PEAR1: variants seen among roughly 807,000 people sequenced by gnomAD.
PEAR1 encodes the protein multiple EGF-like domains protein 12.
PEAR1 carries 113 observed loss-of-function variants against 131.2 expected under a neutral mutation model. The ratio of observed to expected loss-of-function variants is 0.86; its 90% CI spans 0.74 to 1.01. The LOEUF is 1.01. Among genes scored for constraint, PEAR1 ranks in the 50% least tolerant of loss-of-function variants. The pLI is 0.00. For missense variants in PEAR1, 1,408 were observed against 1,391.1 expected, an observed-to-expected ratio of 1.01 and a Z score of -0.19; for synonymous variants, 565 against 523.3, an observed-to-expected ratio of 1.08 and a Z score of -1.09.
At position 156,903,960 on chromosome 1, in the gene PEAR1, G is replaced by T; in HGVS notation, c.34G>T (p.Ala12Ser). 6.2e-7 allele frequency: 1 copy of T among 1,614,054 alleles called. No individual in the cohort carries two copies. Among genetic ancestry groups the T allele is most frequent in the Non-Finnish European group, 8.5e-7 (1 of 1,180,004 alleles). The change falls in exon 2 of 23, where the codon GCT (alanine) becomes TCT (serine). Residue 12 changes from alanine (A) to serine (S), a missense_variant. Transcript: ENST00000292357. ...GCCTCTGTGTCCCCTCCTTCTCCTGGCTGTGGGCCTGCGGCTGGCTGGAAC... is the reference window on the plus strand; with the variant it reads ...GCCTCTGTGTCCCCTCCTTCTCCTGTCTGTGGGCCTGCGGCTGGCTGGAAC... ...SPPLCPLLLL[A>S]VGLRLAGTLN...
chr1:156,905,215 C>A, intron 3 of PEAR1, 109 bp from the exon 4 acceptor site: 1 of 1,225,368 alleles, frequency 8.2e-7, no homozygotes, highest in Non-Finnish European at 1.1e-6. Flanking sequence ...TTCTATGCGC[C>A]CTCAGCCCAG....
intron 1 of PEAR1, among the ~76,000 whole-genome samples, chr1:156,898,198 G>A (rs2182760): frequency 0.14 from 21,209 of 152,126 alleles, 2,075 homozygotes; most frequent in East Asian, 0.46. Context: ...GTGGCGGCGA[G>A]GGTTGGGACT....
chr1:156,912,404 C>T (rs768270901), intron 16 of PEAR1, 29 bp downstream of exon 16: 1 of 1,606,958 alleles, frequency 6.2e-7, no homozygotes, highest in East Asian at 2.2e-5. Flanking sequence ...CTCCAGGCCC[C>T]TGCCTCCAAC....
Position 156,913,230 on chromosome 1 carries a change from C to T in PEAR1, c.2459C>T (p.Pro820Leu), listed in dbSNP as rs1243544066. Residue 820 changes from proline (P) to leucine (L), a missense_variant, in exon 19 of 23, where the codon CCC becomes CTC. By Grantham distance (98) the Pro-to-Leu change is moderately conservative. Coordinates refer to ENST00000292357, the MANE Select transcript of PEAR1 (RefSeq NM_001080471.3). ...AGCTACAGTCACTACTACTCCAACC[C>T]CAGCTACCACACCCTGTCGCAGTGC... Reference protein sequence around the residue: ...PPSYSHYYSNPSYHTLSQCSP... With the variant: ...PPSYSHYYSNLSYHTLSQCSP... 5 of 1,613,720 alleles carry T rather than the reference C, an allele frequency of 3.1e-6. No homozygotes were observed. Among genetic ancestry groups the T allele is most frequent in the Non-Finnish European group, 4.2e-6 (5 of 1,179,926 alleles).
chr1:156,903,909 T>C lies in PEAR1; in HGVS notation c.-9-9T>C. The C allele has an allele frequency of 6.2e-7, 1 of 1,610,018 alleles. No individual in the cohort carries two copies. The highest frequency in any genetic ancestry group is 8.5e-7 in the Non-Finnish European group (1 of 1,176,950). ...CGCCACTGCCCACTCTGCGCCGGTCTTGCTGCAGGCCTCTGCAATGTCACC... is the reference window on the plus strand; with the variant it reads ...CGCCACTGCCCACTCTGCGCCGGTCCTGCTGCAGGCCTCTGCAATGTCACC... On this transcript the variant is annotated splice_polypyrimidine_tract_variant and intron_variant, in intron 1 of 22. Coordinates refer to ENST00000292357, the MANE Select transcript of PEAR1 (RefSeq NM_001080471.3).
At chr1:156,904,304 G>A (rs186242086) in intron 2 of PEAR1, among the ~76,000 whole-genome samples, 47 of 152,250 alleles carry the variant, frequency 3.1e-4, no homozygotes, top group Non-Finnish European at 8.8e-5. Context: ...GGAACAGAGC[G>A]CAGAGTGGGA....
chr1:156,914,593 T>G (rs1571000029), intron 22 of PEAR1, 54 bp from the exon 23 acceptor site: 1 of 1,545,068 alleles, frequency 6.5e-7, no homozygotes, highest in Admixed American at 1.8e-5. Context: ...GTGGAGGGAG[T>G]GGGGAGAGTG....
intron 15 of PEAR1, 131 bp from the exon 16 acceptor site, chr1:156,912,116 A>T: frequency 8.7e-7 from 1 of 1,150,130 alleles, no homozygotes; most frequent in Non-Finnish European, 1.2e-6. Flanking sequence ...TTGGTTGCAG[A>T]TACTGTTCAA....
In PEAR1 at chr1:156,914,763, C is replaced by T. The variant is rs902307219; in HGVS notation, c.3079C>T (p.Pro1027Ser). The T allele has an allele frequency of 2.2e-5, 35 of 1,613,830 alleles. No individual in the cohort carries two copies. Among genetic ancestry groups the T allele is most frequent in the Non-Finnish European group, 3.0e-5 (35 of 1,179,886 alleles). ...TTATGACTTGCCTCCAGTACGGCAT[C>T]CCCCATCACCTCCACTTCGACGCCA... is the stretch of plus-strand genomic sequence containing the variant. ...GHYDLPPVRH[P>S]PSPPLRRQDR Residue 1027 changes from proline to serine, a missense_variant, in exon 23 of 23, where the codon CCC (proline) becomes TCC (serine). Transcript: ENST00000292357.
chr1:156,903,503 G>A (rs78659507), intron 1 of PEAR1, among the ~76,000 whole-genome samples: 3,104 of 152,260 alleles, frequency 0.02, 102 homozygotes, highest in African/African-American at 0.071. Context: ...GAGATGAAAC[G>A]CACTGGGTCC....
Position 156,914,726 on chromosome 1 carries a change from C to G in PEAR1, c.3042C>G (p.His1014Gln). The G allele has an allele frequency of 6.2e-7, 1 of 1,614,112 alleles. No homozygotes were observed. Among genetic ancestry groups the G allele is most frequent in the Non-Finnish European group, 8.5e-7 (1 of 1,179,958 alleles). ...ACTATGACTCACCCAAGAACAGCCA[C>G]ATCCCTGGACATTATGACTTGCCTC... is the stretch of plus-strand genomic sequence containing the variant. ...PGHYDSPKNS[H>Q]IPGHYDLPPV... is the part of the protein sequence containing the mutation. Residue 1014 changes from histidine (H) to glutamine (Q), a missense_variant, in exon 23 of 23, where the codon CAC becomes CAG. By Grantham distance (24) the His-to-Gln change is conservative. Transcript: ENST00000292357.
In PEAR1 at chr1:156,908,202, G is replaced by A. The variant is rs781642530; in HGVS notation, c.977G>A (p.Arg326His). Residue 326 changes from arginine to histidine, a missense_variant, in exon 9 of 23, where the codon CGT becomes CAT. Transcript: ENST00000292357. This position sits in a 1 kb window ranked among gnomAD's most constrained non-coding sequence, Gnocchi z 4.2. ...AETCDCAPDA[R>H]CFPANGACLC... ...ACGTGCGACTGCGCCCCGGACGCCC[G>A]TTGCTTCCCGGCCAACGGCGCATGT... 4 of 1,603,006 alleles carry A rather than the reference G, an allele frequency of 2.5e-6. No homozygotes were observed. The highest frequency in any genetic ancestry group is 3.4e-6 in the Non-Finnish European group (4 of 1,178,914).
rs1344368249 is a variant in PEAR1, at chr1:156,903,821, G to A, written c.-9-97G>A. ...CCAGAGGACACGGGGCCGCAGTCTG[G>A]TCTCTTCTGCATGCCCACGGCTCAG... On this transcript the variant is annotated intron_variant, in intron 1 of 22. Transcript: ENST00000292357. 3.1e-6 allele frequency: 3 copies of A among 982,082 alleles called. No individual in the cohort carries two copies. In the East Asian group the frequency reaches 7.2e-5, roughly 24 times the overall value. 60.8% of individuals were successfully genotyped at this position (982,082 alleles called of 1,614,324 possible). A position where few individuals can be genotyped will look rare whatever the true frequency, so the allele number is the denominator to read the frequency against.
In PEAR1 at chr1:156,906,775, CT is replaced by C. The variant is rs1022419811; in HGVS notation, c.540del (p.Gly181AlafsTer196). On this transcript the variant is annotated frameshift_variant, in exon 6 of 23. Coordinates refer to ENST00000292357, the MANE Select transcript of PEAR1 (RefSeq NM_001080471.3). LOFTEE classifies it high-confidence loss of function. ...CCGAACTGCCTTCAGCCCTGTACCC[CT>C]GGCTACTATGGCCCTGCCTGCCAGT... ...QPPNCLQPCT[P>X]GYYGPACQFR... 6.2e-7 allele frequency: 1 copy of C among 1,614,120 alleles called. No individual in the cohort carries two copies. The highest frequency in any genetic ancestry group is 1.3e-5 in the African/African-American group (1 of 74,944).
At chr1:156,896,361 C>G (rs1453296201) in intron 1 of PEAR1, among the ~76,000 whole-genome samples, 2 of 152,178 alleles carry the variant, frequency 1.3e-5, no homozygotes, top group Non-Finnish European at 2.9e-5. Context: ...CTGCTTTGTG[C>G]TTTGAAGCAG....
chr1:156,908,182 C>T lies in PEAR1; in HGVS notation c.957C>T (p.Cys319=), dbSNP rs1013255236. The part of the protein sequence containing the change: ...GRFGQDCAET[C]DCAPDARCFP... Reference sequence around the variant, plus strand: ...TTGGGCAGGACTGTGCTGAGACGTGCGACTGCGCCCCGGACGCCCGTTGCT... The same window carrying T: ...TTGGGCAGGACTGTGCTGAGACGTGTGACTGCGCCCCGGACGCCCGTTGCT... Residue 319 remains cysteine, a synonymous_variant, in exon 9 of 23, where the codon TGC becomes TGT. Coordinates refer to ENST00000292357, the MANE Select transcript of PEAR1 (RefSeq NM_001080471.3). The surrounding 1 kb of genome is among the most constrained non-coding windows in gnomAD (Gnocchi z 4.2). 7.5e-6 allele frequency: 12 copies of T among 1,603,088 alleles called. No individual in the cohort carries two copies. In the African/African-American group the frequency reaches 9.4e-5, roughly 12 times the overall value.
chr1:156,897,869 G>A (rs1649313576), intron 1 of PEAR1, among the ~76,000 whole-genome samples: 1 of 152,160 alleles, frequency 6.6e-6, no homozygotes. Flanking sequence ...TAATGAAGCT[G>A]GACCCCCTTG....
At chr1:156,904,997 G>A (rs1228838553) in intron 3 of PEAR1, 145 bp downstream of exon 3, 24 of 1,552,178 alleles carry the variant, frequency 1.5e-5, no homozygotes, top group East Asian at 2.4e-5. Context: ...GGTCTGTGTC[G>A]GGTACGTGTG....
intron 18 of PEAR1, 67 bp downstream of exon 18, chr1:156,913,049 G>T (rs1437712907): frequency 6.3e-7 from 1 of 1,594,460 alleles, no homozygotes; most frequent in Non-Finnish European, 8.6e-7. Flanking sequence ...TGGATGCTGG[G>T]CATGACCCAA....
Sources: allele counts gnomAD v4.1 joint callset (sites outside exome capture counted in the v4.1 genomes callset), GRCh38; gene constraint gnomAD v4.1.1; non-coding constraint Gnocchi (gnomAD v3.1); transcripts MANE v1.5; gene names NCBI Gene and HGNC (gene_info 2026-07-23, HGNC 2026-07-21).